MAP3K1: variants seen among roughly 807,000 people sequenced by gnomAD.
MAP3K1 encodes the protein MAP/ERK kinase kinase 1.
A neutral mutation model predicts 144.2 loss-of-function variants in MAP3K1; 36 were observed. That is an observed-to-expected ratio of 0.25 (90% CI 0.19 to 0.33). MAP3K1 has a LOEUF of 0.33. Among genes scored for constraint, MAP3K1 ranks in the 10% least tolerant of loss-of-function variants. The pLI is 1.00. For synonymous variants in MAP3K1, 718 were observed against 688.7 expected (o/e 1.04, Z -0.67); for missense variants, 1,650 against 1,881.9 (o/e 0.88, Z 2.28).
At chr5:56,876,340 G>A (rs903669536) in intron 10 of MAP3K1, among the ~76,000 whole-genome samples, 1 of 150,604 alleles carries the variant, frequency 6.6e-6, no homozygotes, top group Non-Finnish European at 1.5e-5. Context: ...GGTCAAAACT[G>A]CCCCCAATTC....
chr5:56,827,365 G>T (rs1014998321), intron 1 of MAP3K1, among the ~76,000 whole-genome samples: 1 of 152,236 alleles, frequency 6.6e-6, no homozygotes, highest in Non-Finnish European at 1.5e-5. Context: ...CCCCAAGAAG[G>T]ATTTACATCA....
rs149242419 is a variant in MAP3K1 at position 56,881,817 on chromosome 5, G to A, written c.2617G>A (p.Val873Ile). ...AATTGCCGAAGCCATCCAGTTGGGCGTAGAAGACACTTTGGATGGTCAACA... is the reference window on the plus strand; with the variant it reads ...AATTGCCGAAGCCATCCAGTTGGGCATAGAAGACACTTTGGATGGTCAACA... ...VEIAEAIQLG[V>I]EDTLDGQQDS... Residue 873 changes from valine to isoleucine, a missense_variant, in exon 14 of 20, where the codon GTA (valine) becomes ATA (isoleucine). Coordinates refer to ENST00000399503, the MANE Select transcript of MAP3K1 (RefSeq NM_005921.2). 3.5e-5 allele frequency: 56 copies of A among 1,614,122 alleles called. No individual in the cohort carries two copies. In the East Asian group the frequency reaches 4.7e-4, roughly 13 times the overall value.
At chr5:56,890,480 T>C (rs1748515413) in intron 19 of MAP3K1, among the ~76,000 whole-genome samples, 1 of 152,190 alleles carries the variant, frequency 6.6e-6, no homozygotes, top group Non-Finnish European at 1.5e-5. Flanking sequence ...TATGGTAGTA[T>C]AAATTGCCAT....
At chr5:56,875,441 A>G (rs778327443) in intron 10 of MAP3K1, 131 bp downstream of exon 10, 4 of 925,638 alleles carry the variant, frequency 4.3e-6, no homozygotes, top group South Asian at 1.5e-5. Context: ...TTTTTATTCC[A>G]TAATTCCAGG....
chr5:56,868,920 T>C (rs923829587), intron 6 of MAP3K1, among the ~76,000 whole-genome samples: 1 of 152,098 alleles, frequency 6.6e-6, no homozygotes, highest in African/African-American at 2.4e-5. Flanking sequence ...GATGAACCTT[T>C]AGGACATTAT....
rs368231708 is a variant in MAP3K1, at chr5:56,873,042, A to G, written c.1686+37A>G. 2.6e-6 allele frequency: 4 copies of G among 1,566,356 alleles called. No homozygotes were observed. The African/African-American group carries it at 4.1e-5, about 16-fold the overall frequency. On this transcript the variant is annotated intron_variant, in intron 9 of 19. Transcript: ENST00000399503. The stretch of plus-strand genomic sequence containing the variant: ...TTTGTTTTTCATTTCTCAAAGAAAT[A>G]TTTATAGATCAATTAATGTATTTGT...
intron 14 of MAP3K1, among the ~76,000 whole-genome samples, 173 bp downstream of exon 14, chr5:56,883,039 A>G (rs1748275416): frequency 6.6e-6 from 1 of 152,082 alleles, no homozygotes. Flanking sequence ...AAATTTTAAA[A>G]ATTAGCCAGG....
intron 1 of MAP3K1, among the ~76,000 whole-genome samples, chr5:56,830,787 T>C (rs1746462260): frequency 6.6e-6 from 1 of 152,114 alleles, no homozygotes; most frequent in African/African-American, 2.4e-5. Flanking sequence ...TTTGTGTGTA[T>C]TTAGAGCACA....
At position 56,882,475 on chromosome 5, in the gene MAP3K1, A is replaced by G. The variant is rs374418331; in HGVS notation, c.3275A>G (p.Asp1092Gly). 1.3e-4 allele frequency: 209 copies of G among 1,614,080 alleles called. No individual in the cohort carries two copies. The highest frequency in any genetic ancestry group is 1.6e-4 in the Non-Finnish European group (188 of 1,180,038). The part of the protein sequence containing the change: ...TLDLNSSSKC[D>G]DSFGCSSNSS... ...GATCTGAACAGTAGTTCCAAATGTG[A>G]TGACAGCTTTGGCTGTAGCAGCAAT... The change falls in exon 14 of 20, where the codon GAT (aspartate) becomes GGT (glycine). Residue 1092 changes from aspartate to glycine, a missense_variant. This residue lies in a region of MAP3K1 where 841 missense variants were observed against 886.5 expected (regional missense o/e 0.95). Transcript: ENST00000399503.
At chr5:56,855,044 T>C (rs1370583262) in intron 1 of MAP3K1, among the ~76,000 whole-genome samples, 6 of 152,144 alleles carry the variant, frequency 3.9e-5, no homozygotes, top group Non-Finnish European at 8.8e-5. Context: ...CTGAGCAGGA[T>C]GGACTTTTTT....
intron 1 of MAP3K1, among the ~76,000 whole-genome samples, chr5:56,840,809 GC>G (rs1446522017): frequency 1.1e-4 from 17 of 151,846 alleles, no homozygotes; most frequent in Non-Finnish European, 1.5e-5. Context: ...CTCATTTCAG[GC>G]TACTACTTTG....
chr5:56,829,112 T>C (rs1434511706), intron 1 of MAP3K1, among the ~76,000 whole-genome samples: 1 of 152,138 alleles, frequency 6.6e-6, no homozygotes, highest in East Asian at 1.9e-4. Flanking sequence ...GATTTAATCA[T>C]TGTAATTGCA....
rs181414084 is a variant in MAP3K1, at chr5:56,863,682, C to T, written c.835-1052C>T. On this transcript the variant is annotated intron_variant, in intron 3 of 19. Coordinates refer to ENST00000399503, the MANE Select transcript of MAP3K1 (RefSeq NM_005921.2). ...CTAGGAATGGAATTGCTGGGTAATA[C>T]GTTTAACATTTTGAGGAACTGCTAT... 2.7e-3 allele frequency among the ~76,000 whole-genome samples: 413 copies of T among 152,290 alleles called. 1 individual carries two copies. The highest frequency in any genetic ancestry group is 0.01 in the Middle Eastern group (3 of 294).
intron 1 of MAP3K1, among the ~76,000 whole-genome samples, chr5:56,824,444 G>A (rs892207193): frequency 3.9e-5 from 6 of 152,222 alleles, no homozygotes; most frequent in African/African-American, 1.2e-4. Context: ...AGAAGGGGTG[G>A]CGGTGTGAGT....
At chr5:56,878,723 T>G (rs1748113235) in intron 10 of MAP3K1, among the ~76,000 whole-genome samples, 1 of 152,182 alleles carries the variant, frequency 6.6e-6, no homozygotes, top group African/African-American at 2.4e-5. Context: ...AAATAATTTT[T>G]TTTAACTTTT....
In MAP3K1 at chr5:56,883,522, T is replaced by C; in HGVS notation, c.3667-5T>C. The C allele has an allele frequency of 2.5e-6, 4 of 1,613,708 alleles. No homozygotes were observed. Among genetic ancestry groups the C allele is most frequent in the Non-Finnish European group, 3.4e-6 (4 of 1,179,672 alleles). ...GTAAAAAGATTGCTTTCGTTTAATA[T>C]GTAGACACCAGAGACTCTACCAGGA... On this transcript the variant is annotated splice_polypyrimidine_tract_variant and splice_region_variant and intron_variant, in intron 14 of 19. Coordinates refer to ENST00000399503, the MANE Select transcript of MAP3K1 (RefSeq NM_005921.2).
chr5:56,850,169 C>T (rs1485200268), intron 1 of MAP3K1, among the ~76,000 whole-genome samples: 1 of 152,158 alleles, frequency 6.6e-6, no homozygotes, highest in African/African-American at 2.4e-5. Flanking sequence ...TTTGGAAGGT[C>T]GTTCCTCCCT....
At chr5:56,876,997 C>G (rs897670992) in intron 10 of MAP3K1, among the ~76,000 whole-genome samples, 4 of 152,162 alleles carry the variant, frequency 2.6e-5, no homozygotes, top group African/African-American at 9.7e-5. Flanking sequence ...CACTGGATTA[C>G]ACAAGGATAA....
chr5:56,847,329 G>T (rs1163951974), intron 1 of MAP3K1, among the ~76,000 whole-genome samples: 1 of 152,246 alleles, frequency 6.6e-6, no homozygotes, highest in Non-Finnish European at 1.5e-5. Context: ...GGGCGTGGTG[G>T]CTCATGCCTG....
Sources: allele counts gnomAD v4.1 joint callset (sites outside exome capture counted in the v4.1 genomes callset), GRCh38; gene constraint gnomAD v4.1.1; regional missense constraint gnomAD v4.1.1; transcripts MANE v1.5; gene names NCBI Gene and HGNC (gene_info 2026-07-23, HGNC 2026-07-21).